ANK2: variants seen among roughly 807,000 people sequenced by gnomAD.
ANK2 encodes ankyrin-2.
Under a neutral mutation model 360.5 loss-of-function variants are expected in ANK2, and 83 were observed. The observed-to-expected ratio is 0.23, with a 90% CI of 0.19 to 0.28. The LOEUF (loss-of-function observed/expected upper bound fraction) is 0.28, where lower values mean the gene tolerates loss of function less well. Among genes scored for constraint, ANK2 ranks in the 10% least tolerant of loss-of-function variants. The probability of loss-of-function intolerance (pLI) is 1.00; values close to 1 mark genes in which losing one functional copy is unlikely to be tolerated. For synonymous variants in ANK2, 1,740 were observed against 1,759.5 expected (o/e 0.99, Z 0.28); for missense variants, 4,201 against 4,795.7 (o/e 0.88, Z 3.66).
At chr4:112,733,045 C>T in the ANK2 span, among the ~76,000 whole-genome samples, 3 of 152,114 alleles carry the variant, frequency 2.0e-5, no homozygotes, top group South Asian at 2.1e-4. Flanking sequence ...GGTGAAACCC[C>T]GTCTACTAAA....
intron 1 of ANK2, among the ~76,000 whole-genome samples, chr4:113,052,950 C>T (rs2067787179): frequency 2.0e-5 from 3 of 152,146 alleles, no homozygotes; most frequent in Admixed American, 6.6e-5. Flanking sequence ...TACAGGAGAA[C>T]AGGCTAGAGC....
chr4:113,221,805 A>G (rs1357768887), intron 4 of ANK2, among the ~76,000 whole-genome samples: 5 of 152,228 alleles, frequency 3.3e-5, no homozygotes, highest in Admixed American at 3.3e-4. Flanking sequence ...AACATGCAAA[A>G]TAGTTCAAAT....
chr4:112,848,938 T>C (rs932444404), intron 1 of ANK2, among the ~76,000 whole-genome samples: 1 of 152,272 alleles, frequency 6.6e-6, no homozygotes, highest in Non-Finnish European at 1.5e-5. Context: ...AGCAGTCTTC[T>C]GATTCTGAAT....
the ANK2 span, among the ~76,000 whole-genome samples, chr4:112,761,319 A>G: frequency 6.6e-6 from 1 of 152,098 alleles, no homozygotes; most frequent in Non-Finnish European, 1.5e-5. Context: ...TTGGTGCTCA[A>G]TAAATAAAAA....
intron 2 of ANK2, among the ~76,000 whole-genome samples, chr4:113,183,883 G>C (rs1158036418): frequency 6.6e-6 from 1 of 151,084 alleles, no homozygotes; most frequent in Admixed American, 6.6e-5. Flanking sequence ...CAAGGGACAA[G>C]GAATGGCATC....
the ANK2 span, among the ~76,000 whole-genome samples, chr4:112,749,976 C>T: frequency 6.6e-6 from 1 of 152,156 alleles, no homozygotes; most frequent in Non-Finnish European, 1.5e-5. Context: ...GATCTCCTGA[C>T]CCCGTGATCC....
At chr4:112,853,476 A>G (rs554128934) in intron 1 of ANK2, among the ~76,000 whole-genome samples, 15 of 152,144 alleles carry the variant, frequency 9.9e-5, no homozygotes, top group Admixed American at 9.2e-4. Context: ...TTCTGTGATT[A>G]CAAGTGTGAG....
chr4:112,952,520 C>T (rs1345194218), intron 2 of ANK2, among the ~76,000 whole-genome samples: 3 of 152,086 alleles, frequency 2.0e-5, no homozygotes, highest in African/African-American at 7.2e-5. Context: ...ATTCTTTGAG[C>T]TCTAATTTGT....
chr4:113,136,845 C>A (rs2096440393), intron 1 of ANK2, among the ~76,000 whole-genome samples: 1 of 151,882 alleles, frequency 6.6e-6, no homozygotes, highest in Admixed American at 6.6e-5. Flanking sequence ...CAACCTCCGC[C>A]TCCCGGGTTC....
chr4:112,741,066 G>T, the ANK2 span, among the ~76,000 whole-genome samples: 1 of 151,730 alleles, frequency 6.6e-6, no homozygotes, highest in Non-Finnish European at 1.5e-5. Flanking sequence ...CTTGCCTAAA[G>T]TGATCCACCT....
At chr4:113,166,772 G>T (rs1480829050) in intron 1 of ANK2, among the ~76,000 whole-genome samples, 2 of 151,752 alleles carry the variant, frequency 1.3e-5, no homozygotes, top group African/African-American at 4.8e-5. Flanking sequence ...TATTTATCCC[G>T]GAAAATTTAA....
intron 2 of ANK2, among the ~76,000 whole-genome samples, chr4:112,945,290 G>T (rs1208006467): frequency 6.6e-6 from 1 of 152,186 alleles, no homozygotes; most frequent in Non-Finnish European, 1.5e-5. Flanking sequence ...GTAGGAAAGG[G>T]CTGTCCCATC....
chr4:113,154,588 G>A (rs1318733794), intron 1 of ANK2, among the ~76,000 whole-genome samples: 1 of 152,146 alleles, frequency 6.6e-6, no homozygotes, highest in East Asian at 1.9e-4. Flanking sequence ...CTAATGTGAA[G>A]TGTATCAAAT....
At chr4:113,170,786 C>T (rs999383891) in intron 1 of ANK2, among the ~76,000 whole-genome samples, 1 of 152,120 alleles carries the variant, frequency 6.6e-6, no homozygotes, top group African/African-American at 2.4e-5. Context: ...ACATACAGAA[C>T]TGTGTCAAGA....
At chr4:113,036,060 C>CAAT (rs1458041464) in intron 2 of ANK2, among the ~76,000 whole-genome samples, 3 of 151,736 alleles carry the variant, frequency 2.0e-5, no homozygotes, top group Non-Finnish European at 4.4e-5. Flanking sequence ...AATTAGTTTC[C>CAAT]GTAGTCTCAT....
intron 1 of ANK2, among the ~76,000 whole-genome samples, chr4:113,114,372 A>G (rs2094562247): frequency 6.6e-6 from 1 of 152,178 alleles, no homozygotes; most frequent in Non-Finnish European, 1.5e-5. Flanking sequence ...AAAGTAGTGT[A>G]ATTATGATTC....
chr4:112,764,340 G>C, the ANK2 span, among the ~76,000 whole-genome samples: 1 of 151,618 alleles, frequency 6.6e-6, no homozygotes, highest in South Asian at 2.1e-4. Flanking sequence ...GATGCTCTCT[G>C]TATTTTTTTT....
At chr4:113,145,927 G>C in intron 1 of ANK2, 2 of 1,289,840 alleles carry the variant, frequency 1.6e-6, no homozygotes, top group Non-Finnish European at 2.0e-6. Flanking sequence ...AGAGCACAAG[G>C]AAACATGCAG....
chr4:113,332,119 T>C (rs1208736119), intron 28 of ANK2, 49 bp downstream of exon 28: 1 of 1,458,138 alleles, frequency 6.9e-7, no homozygotes, highest in South Asian at 1.1e-5. Context: ...CCCATTCTTC[T>C]CCTTCTTCTG....
Sources: gnomAD v4.1 joint callset for allele counts (sites outside exome capture counted in the v4.1 genomes callset) on GRCh38, gnomAD v4.1.1 for gene constraint, MANE v1.5 for transcripts, NCBI Gene and HGNC (gene_info 2026-07-23, HGNC 2026-07-21) for gene names.